The following ZNF804B variants were observed in gnomAD, a reference collection of about 807,000 sequenced individuals.
ZNF804B encodes the protein zinc finger protein 804B.
In ZNF804B, 80 loss-of-function variants were observed where a neutral mutation model predicts 101.4. The ratio of observed to expected loss-of-function variants is 0.79; its 90% CI spans 0.66 to 0.95. ZNF804B has a LOEUF of 0.95. ZNF804B is among the 40% of genes least tolerant of loss of function. The probability of loss-of-function intolerance (pLI) is 0.00; values close to 1 mark genes in which losing one functional copy is unlikely to be tolerated. For synonymous variants in ZNF804B, 622 were observed against 558.8 expected (o/e 1.11, Z -1.59); for missense variants, 1,673 against 1,561.9 (o/e 1.07, Z -1.20).
At chr7:89,124,462 G>A (rs1411523964) in intron 1 of ZNF804B, among the ~76,000 whole-genome samples, 4 of 152,142 alleles carry the variant, frequency 2.6e-5, no homozygotes, top group Non-Finnish European at 5.9e-5. Context: ...GCTGGGACAA[G>A]GGGTGGACTT....
intron 2 of ZNF804B, among the ~76,000 whole-genome samples, chr7:89,276,282 T>C (rs1480147349): frequency 3.3e-5 from 5 of 151,792 alleles, no homozygotes; most frequent in African/African-American, 1.2e-4. Flanking sequence ...TGGTTACCTA[T>C]GGAACAAACC....
intron 1 of ZNF804B, among the ~76,000 whole-genome samples, chr7:88,877,045 ATATATTTTT>A (rs1316774486): frequency 1.4e-4 from 5 of 36,498 alleles, no homozygotes; most frequent in African/African-American, 7.7e-4. Flanking sequence ...ATATATATAT[ATATATTTTT>A]TTTTTTTTTT....
chr7:88,959,699 A>G (rs111688026), intron 1 of ZNF804B, among the ~76,000 whole-genome samples: 45 of 151,276 alleles, frequency 3.0e-4, no homozygotes, highest in Middle Eastern at 6.8e-3. Flanking sequence ...ATCTCCTCCC[A>G]CCTCTATTGA....
chr7:88,951,088 A>G lies in ZNF804B; in HGVS notation c.108+191004A>G, dbSNP rs997936093. On this transcript the variant is annotated intron_variant, in intron 1 of 3. Coordinates refer to ENST00000333190, the MANE Select transcript of ZNF804B (RefSeq NM_181646.5). ...AGTTGAATTTTTCTACTTTGCAGGA[A>G]TTTGTGCAATTTCTCCAAATAAGAA... 2.6e-5 allele frequency among the ~76,000 whole-genome samples: 4 copies of G among 151,976 alleles called. No homozygotes were observed. In the South Asian group the frequency reaches 8.3e-4, roughly 31 times the overall value.
intron 1 of ZNF804B, among the ~76,000 whole-genome samples, chr7:89,009,779 C>T (rs1247202686): frequency 6.6e-6 from 1 of 152,196 alleles, no homozygotes; most frequent in Non-Finnish European, 1.5e-5. Flanking sequence ...TTGGACTTCC[C>T]AGCCTCCAGA....
At chr7:89,273,382 A>G (rs1789928395) in intron 2 of ZNF804B, among the ~76,000 whole-genome samples, 1 of 152,144 alleles carries the variant, frequency 6.6e-6, no homozygotes, top group East Asian at 1.9e-4. Context: ...AGGGTTATAG[A>G]TGAAAGGTAG....
At chr7:89,080,977 G>A (rs909061265) in intron 1 of ZNF804B, among the ~76,000 whole-genome samples, 2 of 151,914 alleles carry the variant, frequency 1.3e-5, no homozygotes, top group Admixed American at 6.6e-5. Context: ...AAAGCTTGAT[G>A]CATTCCAAAT....
At chr7:89,055,666 A>G (rs534993504) in intron 1 of ZNF804B, among the ~76,000 whole-genome samples, 2 of 152,206 alleles carry the variant, frequency 1.3e-5, no homozygotes, top group East Asian at 3.9e-4. Flanking sequence ...AGTCTCACAC[A>G]TGCGAGTGAA....
At chr7:89,025,970 A>G (rs1788744596) in intron 1 of ZNF804B, among the ~76,000 whole-genome samples, 1 of 152,138 alleles carries the variant, frequency 6.6e-6, no homozygotes, top group Non-Finnish European at 1.5e-5. Flanking sequence ...TAGCAAATTT[A>G]TTGATTAACT....
intron 1 of ZNF804B, among the ~76,000 whole-genome samples, chr7:89,160,942 A>G (rs1011196752): frequency 1.3e-5 from 2 of 152,154 alleles, no homozygotes; most frequent in Non-Finnish European, 2.9e-5. Context: ...TAGAATTCAG[A>G]TATTTTGTGC....
intron 1 of ZNF804B, among the ~76,000 whole-genome samples, chr7:89,018,085 G>A (rs539854280): frequency 4.6e-5 from 7 of 152,066 alleles, no homozygotes; most frequent in East Asian, 1.9e-4. Context: ...GGCATTCTTC[G>A]CATGTTCGAT....
chr7:89,314,543 A>G (rs904232850), intron 2 of ZNF804B, among the ~76,000 whole-genome samples: 1 of 152,212 alleles, frequency 6.6e-6, no homozygotes, highest in African/African-American at 2.4e-5. Context: ...TTATATTTTA[A>G]CATGATTATA....
intron 1 of ZNF804B, among the ~76,000 whole-genome samples, chr7:89,096,574 G>A (rs541572248): frequency 7.2e-5 from 11 of 152,246 alleles, no homozygotes; most frequent in African/African-American, 1.7e-4. Context: ...TGCTGTCCAC[G>A]TTATTACTTG....
At chr7:88,874,802 A>G (rs566603609) in intron 1 of ZNF804B, among the ~76,000 whole-genome samples, 1 of 151,812 alleles carries the variant, frequency 6.6e-6, no homozygotes, top group South Asian at 2.1e-4. Flanking sequence ...CTCTGCACCA[A>G]GCGGACCTAA....
chr7:88,945,937 T>C (rs1368065840), intron 1 of ZNF804B, among the ~76,000 whole-genome samples: 1 of 152,128 alleles, frequency 6.6e-6, no homozygotes, highest in Non-Finnish European at 1.5e-5. Context: ...GCACATTGAT[T>C]TTGTATCCTG....
At chr7:89,154,708 G>A (rs1214569555) in intron 1 of ZNF804B, among the ~76,000 whole-genome samples, 2 of 152,004 alleles carry the variant, frequency 1.3e-5, no homozygotes, top group African/African-American at 4.8e-5. Flanking sequence ...GGTTACCAGA[G>A]GCTAGGGAGA....
At chr7:88,944,460 C>T (rs758760892) in intron 1 of ZNF804B, among the ~76,000 whole-genome samples, 1 of 151,074 alleles carries the variant, frequency 6.6e-6, no homozygotes, top group Non-Finnish European at 1.5e-5. Flanking sequence ...TATTGAGTTG[C>T]AAGGTTAATA....
At chr7:89,225,468 T>C (rs572749628) in intron 2 of ZNF804B, among the ~76,000 whole-genome samples, 2 of 152,256 alleles carry the variant, frequency 1.3e-5, no homozygotes, top group South Asian at 4.1e-4. Flanking sequence ...ATGGTTCTAT[T>C]AGCCACTGTG....
intron 1 of ZNF804B, 145 bp downstream of exon 1, chr7:88,760,229 G>A: frequency 3.1e-6 from 2 of 651,568 alleles, no homozygotes; most frequent in East Asian, 2.8e-5. Context: ...GAGATACATC[G>A]TGTCCGTTTA....
Sources: gnomAD v4.1 joint callset for allele counts (sites outside exome capture counted in the v4.1 genomes callset) on GRCh38, gnomAD v4.1.1 for gene constraint, MANE v1.5 for transcripts, NCBI Gene and HGNC (gene_info 2026-07-23, HGNC 2026-07-21) for gene names.